The following LPAR3 variants were observed in gnomAD, a reference collection of about 807,000 sequenced individuals.
The protein encoded by LPAR3 is LPA receptor 3.
In LPAR3, 7 loss-of-function variants were observed where a neutral mutation model predicts 17.8. The observed-to-expected ratio is 0.39, with a 90% CI of 0.22 to 0.74. The LOEUF (loss-of-function observed/expected upper bound fraction) is 0.74, where lower values mean the gene tolerates loss of function less well. Ranked by LOEUF, LPAR3 falls within the 30% of genes least tolerant of loss-of-function variation. LPAR3 has a pLI of 0.40. For synonymous variants in LPAR3, 179 were observed against 179.9 expected (o/e 0.99, Z 0.04); for missense variants, 391 against 453.4 (o/e 0.86, Z 1.25).
intron 2 of LPAR3, among the ~76,000 whole-genome samples, chr1:84,822,239 C>T (rs1332131525): frequency 6.6e-6 from 1 of 151,928 alleles, no homozygotes; most frequent in Non-Finnish European, 1.5e-5. Flanking sequence ...CCTTCAGTAC[C>T]TGTTTAAGAG....
intron 2 of LPAR3, among the ~76,000 whole-genome samples, chr1:84,824,807 C>T (rs896237429): frequency 3.4e-4 from 52 of 152,148 alleles, no homozygotes; most frequent in African/African-American, 1.0e-3. Flanking sequence ...CACATGTGTG[C>T]GCACACAATT....
Position 84,813,883 on chromosome 1 carries a change from A to C in LPAR3, c.1025T>G (p.Ile342Ser), listed in dbSNP as rs770038434. 1.4e-5 allele frequency: 22 copies of C among 1,613,998 alleles called. 1 individual carries two copies. In the Middle Eastern group the frequency reaches 9.9e-4, roughly 72 times the overall value. Residue 342 changes from isoleucine (I) to serine (S), a missense_variant, in exon 3 of 3, where the codon ATT becomes AGT. Coordinates refer to ENST00000370611, the MANE Select transcript of LPAR3 (RefSeq NM_012152.3). ...TTTATTGCAGACTGCACCTTGGCTAATACTATCCTCTATGTACTGGCTGCC... is the reference window on the plus strand; with the variant it reads ...TTTATTGCAGACTGCACCTTGGCTACTACTATCCTCTATGTACTGGCTGCC... ...DTGSQYIEDSISQGAVCNKST... is the reference protein window; with the variant it reads ...DTGSQYIEDSSSQGAVCNKST...
At chr1:84,855,437 A>C (rs1457846872) in intron 2 of LPAR3, among the ~76,000 whole-genome samples, 1 of 152,162 alleles carries the variant, frequency 6.6e-6, no homozygotes. Flanking sequence ...GGGTGTTGGC[A>C]GGAGGGTTGG....
At chr1:84,892,852 C>T (rs1238539129) in intron 1 of LPAR3, among the ~76,000 whole-genome samples, 164 bp downstream of exon 1, 2 of 152,184 alleles carry the variant, frequency 1.3e-5, no homozygotes, top group African/African-American at 2.4e-5. Context: ...AGAGTCTTGT[C>T]CCGGGGTTTG....
intron 2 of LPAR3, among the ~76,000 whole-genome samples, chr1:84,861,034 TG>T (rs1345305564): frequency 3.9e-5 from 6 of 152,182 alleles, no homozygotes; most frequent in Non-Finnish European, 1.5e-5. Context: ...CCACCACACC[TG>T]GATGGATTTA....
At chr1:84,878,332 A>G (rs1660295265) in intron 1 of LPAR3, among the ~76,000 whole-genome samples, 1 of 151,784 alleles carries the variant, frequency 6.6e-6, no homozygotes, top group African/African-American at 2.4e-5. Flanking sequence ...TTTTTTCCCA[A>G]TCTCCTCAGT....
chr1:84,813,668 G>T lies in LPAR3; in HGVS notation c.*178C>A. On this transcript the variant is annotated 3_prime_UTR_variant, in exon 3 of 3. Transcript: ENST00000370611. ...TTCTGTGCTTTCTCTAAATGCAGCA[G>T]GTCCTCTCTTTACTGCCCATGCTTT... is the stretch of plus-strand genomic sequence containing the variant. 1.7e-6 allele frequency: 1 copy of T among 580,588 alleles called. No homozygotes were observed. Among genetic ancestry groups the T allele is most frequent in the Non-Finnish European group, 3.0e-6 (1 of 329,660 alleles). The allele number at this position is 580,588 out of a possible 1,614,324, so 36.0% of individuals were successfully genotyped here.
At chr1:84,831,438 A>G (rs1034175334) in intron 2 of LPAR3, among the ~76,000 whole-genome samples, 1 of 152,194 alleles carries the variant, frequency 6.6e-6, no homozygotes. Context: ...TGTGGGTGAC[A>G]TAGCAGGACT....
At chr1:84,855,555 T>C (rs1659800657) in intron 2 of LPAR3, among the ~76,000 whole-genome samples, 1 of 152,216 alleles carries the variant, frequency 6.6e-6, no homozygotes, top group Non-Finnish European at 1.5e-5. Context: ...ATTGTTTGTT[T>C]CAGCTTAAGA....
intron 2 of LPAR3, among the ~76,000 whole-genome samples, chr1:84,818,127 T>C (rs1289085475): frequency 6.6e-6 from 1 of 152,232 alleles, no homozygotes; most frequent in Non-Finnish European, 1.5e-5. Flanking sequence ...GCAGGATTAG[T>C]ACCATTCCCA....
rs1658856090 is a variant in LPAR3, at chr1:84,813,178, C to T, written c.*668G>A. 6.9e-6 allele frequency: 1 copy of T among 144,436 alleles called. No homozygotes were observed. Among genetic ancestry groups the T allele is most frequent in the African/African-American group, 2.6e-5 (1 of 39,160 alleles). 8.9% of individuals were successfully genotyped at this position (144,436 alleles called of 1,614,324 possible). On this transcript the variant is annotated 3_prime_UTR_variant, in exon 3 of 3. Coordinates refer to ENST00000370611, the MANE Select transcript of LPAR3 (RefSeq NM_012152.3). ...ATATATAGACACACACACACACACACACACACATGCATATACACACACATG... is the reference window on the plus strand; with the variant it reads ...ATATATAGACACACACACACACACATACACACATGCATATACACACACATG...
rs528048334 is a variant in LPAR3, at chr1:84,865,855, T to C, written c.266A>G (p.Asn89Ser). The C allele has an allele frequency of 5.0e-6, 8 of 1,614,146 alleles. No individual in the cohort carries two copies. In the Admixed American group the frequency reaches 6.7e-5, roughly 13 times the overall value. Residue 89 changes from asparagine to serine, a missense_variant, in exon 2 of 3, where the codon AAC (asparagine) becomes AGC (serine). Transcript: ENST00000370611. The part of the protein sequence containing the change: ...AGIAYVFLMF[N>S]TGPVSKTLTV... ...CAAAGTTTTTGAAACTGGGCCTGTG[T>C]TAAACATCAGGAATACATAGGCAAT... is the stretch of plus-strand genomic sequence containing the variant.
At position 84,813,711 on chromosome 1, in the gene LPAR3, T is replaced by A. The variant is rs41289033; in HGVS notation, c.*135A>T. On this transcript the variant is annotated 3_prime_UTR_variant, in exon 3 of 3. Coordinates refer to ENST00000370611, the MANE Select transcript of LPAR3 (RefSeq NM_012152.3). Reference sequence around the variant, plus strand: ...CATGCTTTTAAACTATGAAAAAAAATTTTTTAAAGAAATCTAGCAGTGATT... The same window carrying A: ...CATGCTTTTAAACTATGAAAAAAAAATTTTTAAAGAAATCTAGCAGTGATT... 0.085 allele frequency: 60,846 copies of A among 718,638 alleles called. 3,085 individuals carry two copies. The highest frequency in any genetic ancestry group is 0.15 in the Middle Eastern group (423 of 2,882). The allele number at this position is 718,638 out of a possible 1,614,324, so 44.5% of individuals were successfully genotyped here.
At chr1:84,860,870 C>T (rs912054647) in intron 2 of LPAR3, among the ~76,000 whole-genome samples, 1 of 151,416 alleles carries the variant, frequency 6.6e-6, no homozygotes, top group African/African-American at 2.4e-5. Context: ...TCCTGAGTAG[C>T]TGGAATTACA....
At chr1:84,879,320 T>TCTTTTC (rs1553149963) in intron 1 of LPAR3, among the ~76,000 whole-genome samples, 1 of 143,252 alleles carries the variant, frequency 7.0e-6, no homozygotes, top group African/African-American at 2.7e-5. Flanking sequence ...TTTTTTCTTT[T>TCTTTTC]TTTTTTTTTG....
chr1:84,856,640 A>T (rs1001512232), intron 2 of LPAR3, among the ~76,000 whole-genome samples: 6 of 152,008 alleles, frequency 3.9e-5, no homozygotes, highest in African/African-American at 1.5e-4. Flanking sequence ...TTTGGTCCCA[A>T]CTCTTTTCAG....
intron 2 of LPAR3, among the ~76,000 whole-genome samples, chr1:84,849,567 C>T (rs1264236308): frequency 6.6e-6 from 1 of 152,020 alleles, no homozygotes; most frequent in Admixed American, 6.6e-5. Flanking sequence ...GTCTCCCTGA[C>T]TCATTGGTGA....
intron 2 of LPAR3, among the ~76,000 whole-genome samples, chr1:84,815,844 A>AG (rs1202695457): frequency 6.6e-6 from 1 of 152,182 alleles, no homozygotes; most frequent in East Asian, 1.9e-4. Context: ...AGTAGCTAGC[A>AG]GGGGGGTTGA....
At chr1:84,828,431 T>TA (rs1316336061) in intron 2 of LPAR3, among the ~76,000 whole-genome samples, 1 of 152,212 alleles carries the variant, frequency 6.6e-6, no homozygotes, top group African/African-American at 2.4e-5. Flanking sequence ...AATTGGTATT[T>TA]ATTCTAATTT....
Sources: allele counts gnomAD v4.1 joint callset (sites outside exome capture counted in the v4.1 genomes callset), GRCh38; gene constraint gnomAD v4.1.1; transcripts MANE v1.5; gene names NCBI Gene and HGNC (gene_info 2026-07-23, HGNC 2026-07-21).